Variants in ZNF667 observed in about 807,000 individuals in gnomAD.
The protein encoded by ZNF667 is zinc finger protein 667.
In ZNF667, 13 loss-of-function variants were observed where a neutral mutation model predicts 31.8. The observed-to-expected ratio is 0.41, with a 90% CI of 0.27 to 0.65. ZNF667 has a LOEUF of 0.65. Among genes scored for constraint, ZNF667 ranks in the 30% least tolerant of loss-of-function variants. The pLI is 0.32. For synonymous variants in ZNF667, 228 were observed against 247.1 expected (o/e 0.92, Z 0.73); for missense variants, 642 against 725.6 (o/e 0.88, Z 1.32).
chr19:56,452,519 G>A lies in ZNF667; in HGVS notation c.253+5636C>T, dbSNP rs1047910293. ...AGTAAAAAACTTCAAATAACCTAAT[G>A]ATGCATCTTAAAGAACTAGAAAACC... On this transcript the variant is annotated intron_variant, in intron 6 of 6. Coordinates refer to ENST00000504904, the MANE Select transcript of ZNF667 (RefSeq NM_001321356.2). Among the ~76,000 whole-genome samples the A allele has an allele frequency of 3.3e-5, 5 of 152,010 alleles. 1 individual carries two copies. Among genetic ancestry groups the A allele is most frequent in the Non-Finnish European group, 7.4e-5 (5 of 68,006 alleles).
chr19:56,455,275 A>G (rs1434560946), intron 6 of ZNF667, among the ~76,000 whole-genome samples: 1 of 152,128 alleles, frequency 6.6e-6, no homozygotes, highest in Non-Finnish European at 1.5e-5. Flanking sequence ...TTCCTCAAAA[A>G]CTAAAAATAG....
At chr19:56,458,121 A>C in intron 6 of ZNF667, 34 bp downstream of exon 6, 1 of 1,575,038 alleles carries the variant, frequency 6.3e-7, no homozygotes, top group Non-Finnish European at 8.7e-7. Flanking sequence ...GCCCCAGTAG[A>C]CTGAGACATA....
chr19:56,475,773 T>A (rs1052229138), intron 1 of ZNF667: 1 of 152,162 alleles, frequency 6.6e-6, no homozygotes, highest in Non-Finnish European at 1.5e-5. Context: ...CTTGACCCCA[T>A]GGGCTCCCTA....
intron 5 of ZNF667, among the ~76,000 whole-genome samples, chr19:56,459,205 C>G (rs1003519017): frequency 3.3e-5 from 5 of 152,120 alleles, no homozygotes; most frequent in Admixed American, 1.3e-4. Flanking sequence ...TAAATTATAG[C>G]CAGTAGAGTT....
chr19:56,471,535 G>A (rs2043292131), intron 3 of ZNF667, among the ~76,000 whole-genome samples, 164 bp downstream of exon 3: 1 of 152,174 alleles, frequency 6.6e-6, no homozygotes, highest in Non-Finnish European at 1.5e-5. Context: ...AAGAGTACAG[G>A]AGGGCTAATG....
intron 6 of ZNF667, among the ~76,000 whole-genome samples, chr19:56,451,730 G>A (rs559918964): frequency 3.3e-5 from 5 of 151,936 alleles, no homozygotes; most frequent in African/African-American, 7.2e-5. Context: ...TTAGCCAGGC[G>A]TGGTGGCACA....
At chr19:56,453,980 T>C (rs916810026) in intron 6 of ZNF667, among the ~76,000 whole-genome samples, 3 of 152,110 alleles carry the variant, frequency 2.0e-5, no homozygotes, top group African/African-American at 7.2e-5. Flanking sequence ...AACTGATAAA[T>C]TTAGTAAAGT....
Position 56,440,526 on chromosome 19 carries a change from T to G in ZNF667, c.*636A>C. The G allele has an allele frequency of 1.1e-6, 1 of 914,992 alleles. No homozygotes were observed. Among genetic ancestry groups the G allele is most frequent in the African/African-American group, 1.8e-5 (1 of 55,862 alleles). 56.7% of individuals were successfully genotyped at this position (914,992 alleles called of 1,614,324 possible). On this transcript the variant is annotated 3_prime_UTR_variant, in exon 7 of 7. Transcript: ENST00000504904. ...ATCTGAGAAACAGACTCAAATTCTT[T>G]TTTCTGTGACCTTAAATCAGGCTCA...
chr19:56,462,314 G>T, intron 4 of ZNF667, 24 bp downstream of exon 4: 1 of 1,614,080 alleles, frequency 6.2e-7, no homozygotes, highest in Non-Finnish European at 8.5e-7. Context: ...GGGTGTTCCG[G>T]AAGGAAGAGG....
Position 56,441,490 on chromosome 19 carries a change from T to G in ZNF667, c.1505A>C (p.Asp502Ala), listed in dbSNP as rs200500771. The G allele has an allele frequency of 1.1e-5, 18 of 1,614,172 alleles. No individual in the cohort carries two copies. Among genetic ancestry groups the G allele is most frequent in the Admixed American group, 3.3e-5 (2 of 60,020 alleles). Residue 502 changes from aspartate (D) to alanine (A), a missense_variant, in exon 7 of 7, where the codon GAT (aspartate) becomes GCT (alanine). Transcript: ENST00000504904. The surrounding 1 kb of genome is among the most constrained non-coding windows in gnomAD (Gnocchi z 4.2). ...CTGGCTGAAGGCCTTCCCACACTGA[T>G]CACATTCATAGGGTCTATCTTCAGT... ...IHTEDRPYEC[D>A]QCGKAFSQSA...
intron 3 of ZNF667, among the ~76,000 whole-genome samples, chr19:56,471,164 CT>C (rs1053400878): frequency 3.5e-4 from 54 of 152,192 alleles, no homozygotes; most frequent in South Asian, 8.3e-4. Flanking sequence ...CCCACCCCCC[CT>C]GCCTCTTTCT....
Position 56,447,596 on chromosome 19 carries a change from A to AAAAC in ZNF667, c.254-4859_254-4856dup, listed in dbSNP as rs1286212778. Among the ~76,000 whole-genome samples, 18 of 152,218 alleles carry AAAAC rather than the reference A, an allele frequency of 1.2e-4. No homozygotes were observed. In the East Asian group the frequency reaches 2.7e-3, roughly 23 times the overall value. On this transcript the variant is annotated intron_variant, in intron 6 of 6. Coordinates refer to ENST00000504904, the MANE Select transcript of ZNF667 (RefSeq NM_001321356.2). Reference sequence around the variant, plus strand: ...GACCCTGTCCCTGTCTCCTTAAAAAAAAACAAACAAACATGGTGACTCACA... The same window carrying AAAAC: ...GACCCTGTCCCTGTCTCCTTAAAAAAAAACAAACAAACAAACATGGTGACTCACA...
In ZNF667 at chr19:56,453,130, A is replaced by G. The variant is rs535944525; in HGVS notation, c.253+5025T>C. Among the ~76,000 whole-genome samples the G allele has an allele frequency of 1.4e-3, 208 of 152,268 alleles. 1 individual carries two copies. The highest frequency in any genetic ancestry group is 4.9e-3 in the African/African-American group (203 of 41,564). On this transcript the variant is annotated intron_variant, in intron 6 of 6. Coordinates refer to ENST00000504904, the MANE Select transcript of ZNF667 (RefSeq NM_001321356.2). ...ATACATTAGAAAACCTAGAAGAAAT[A>G]GATAAATTCCTAGACACATACAACC...
intron 6 of ZNF667, among the ~76,000 whole-genome samples, chr19:56,446,440 T>G (rs2042711442): frequency 6.6e-6 from 1 of 152,230 alleles, no homozygotes. Flanking sequence ...AATGAGGCTA[T>G]TCATAGCCTC....
intron 1 of ZNF667, chr19:56,474,906 C>T (rs1468801273): frequency 6.6e-6 from 1 of 152,118 alleles, no homozygotes. Context: ...GTTCGAGTCT[C>T]AGAGTCTCAA....
At chr19:56,461,695 G>GA (rs2043048392) in intron 4 of ZNF667, among the ~76,000 whole-genome samples, 1 of 152,182 alleles carries the variant, frequency 6.6e-6, no homozygotes, top group Non-Finnish European at 1.5e-5. Flanking sequence ...ACACCCAACT[G>GA]AAAGCAAACA....
At chr19:56,458,058 A>G (rs2042969958) in intron 6 of ZNF667, 97 bp downstream of exon 6, 2 of 1,078,570 alleles carry the variant, frequency 1.9e-6, no homozygotes, top group Non-Finnish European at 2.8e-6. Flanking sequence ...AACTGTGAGA[A>G]GTAGATTTCT....
At chr19:56,472,973 T>C (rs1479947065) in intron 2 of ZNF667, 1 of 152,192 alleles carries the variant, frequency 6.6e-6, no homozygotes, top group Non-Finnish European at 1.5e-5. Flanking sequence ...AGGAGATAAA[T>C]TGGTGTAAAT....
chr19:56,469,254 G>T (rs1315426517), intron 3 of ZNF667, among the ~76,000 whole-genome samples: 1 of 152,144 alleles, frequency 6.6e-6, no homozygotes, highest in African/African-American at 2.4e-5. Context: ...ACCCACGCAC[G>T]CACATCCAGA....
Sources: allele counts gnomAD v4.1 joint callset (sites outside exome capture counted in the v4.1 genomes callset), GRCh38; gene constraint gnomAD v4.1.1; non-coding constraint Gnocchi (gnomAD v3.1); transcripts MANE v1.5; gene names NCBI Gene and HGNC (gene_info 2026-07-23, HGNC 2026-07-21).